Variants in CTNND2 observed in about 807,000 individuals in gnomAD.
The protein encoded by CTNND2 is catenin delta 2.
Under a neutral mutation model 144.4 loss-of-function variants are expected in CTNND2, and 22 were observed. That is an observed-to-expected ratio of 0.15 (90% CI 0.11 to 0.22). The LOEUF is 0.22. CTNND2 is among the 10% of genes least tolerant of loss of function. CTNND2 has a pLI of 1.00. For synonymous variants in CTNND2, 751 were observed against 695.6 expected (o/e 1.08, Z -1.25); for missense variants, 1,353 against 1,618.8 (o/e 0.84, Z 2.82).
chr5:11,289,115 C>G (rs1195733837), intron 9 of CTNND2, among the ~76,000 whole-genome samples: 1 of 152,224 alleles, frequency 6.6e-6, no homozygotes, highest in Non-Finnish European at 1.5e-5. Context: ...AGGCCACTAT[C>G]TGCACACCTT....
chr5:11,676,165 T>C (rs1348699235), intron 2 of CTNND2, among the ~76,000 whole-genome samples: 1 of 152,086 alleles, frequency 6.6e-6, no homozygotes, highest in Non-Finnish European at 1.5e-5. Flanking sequence ...GATACTGTTT[T>C]CCTAACTTTA....
chr5:11,085,896 T>C (rs2149642217), intron 15 of CTNND2, among the ~76,000 whole-genome samples: 1 of 152,180 alleles, frequency 6.6e-6, no homozygotes, highest in East Asian at 1.9e-4. Flanking sequence ...GCTGCTCTTC[T>C]AGGATGACTG....
At chr5:11,582,585 G>A (rs966293204) in intron 2 of CTNND2, among the ~76,000 whole-genome samples, 7 of 152,106 alleles carry the variant, frequency 4.6e-5, no homozygotes, top group African/African-American at 7.2e-5. Flanking sequence ...CTTAAATTCC[G>A]TCAGCATTCA....
intron 2 of CTNND2, among the ~76,000 whole-genome samples, chr5:11,705,809 T>C (rs1223531399): frequency 6.6e-6 from 1 of 152,180 alleles, no homozygotes; most frequent in East Asian, 1.9e-4. Context: ...TGAGTGTGGA[T>C]AGGACCCATG....
intron 2 of CTNND2, among the ~76,000 whole-genome samples, chr5:11,692,936 C>T (rs1784977303): frequency 6.6e-6 from 1 of 152,180 alleles, no homozygotes. Flanking sequence ...GAAAGTCTCA[C>T]TGAGGTATGT....
intron 7 of CTNND2, among the ~76,000 whole-genome samples, chr5:11,373,672 C>G (rs1757662364): frequency 6.6e-6 from 1 of 152,152 alleles, no homozygotes; most frequent in South Asian, 2.1e-4. Context: ...AGCATCCAAT[C>G]TCTGGATGGC....
At chr5:11,165,553 T>C (rs1759233629) in intron 11 of CTNND2, among the ~76,000 whole-genome samples, 1 of 152,234 alleles carries the variant, frequency 6.6e-6, no homozygotes, top group Admixed American at 6.5e-5. Flanking sequence ...TGTGACAAAT[T>C]TGTTTTATTA....
chr5:11,450,821 C>T (rs1765240383), intron 3 of CTNND2, among the ~76,000 whole-genome samples: 2 of 148,750 alleles, frequency 1.3e-5, no homozygotes. Flanking sequence ...TCACTTGAAC[C>T]CGGGAGGCGG....
At chr5:10,981,632 C>A (rs553820830) in intron 21 of CTNND2, 141 bp downstream of exon 21, 9 of 745,708 alleles carry the variant, frequency 1.2e-5, no homozygotes, top group South Asian at 3.3e-5. Flanking sequence ...CTGCAACAGG[C>A]GTGAGGAGAG....
chr5:11,115,724 C>A (rs572439046), intron 13 of CTNND2, among the ~76,000 whole-genome samples: 1 of 152,322 alleles, frequency 6.6e-6, no homozygotes, highest in African/African-American at 2.4e-5. Flanking sequence ...GTGAACCTAA[C>A]TGAGCAGAAG....
chr5:11,101,884 C>CGTGTGTGTGTGT (rs1561304077), intron 14 of CTNND2, among the ~76,000 whole-genome samples: 11 of 88,498 alleles, frequency 1.2e-4, no homozygotes, highest in African/African-American at 4.5e-4. Flanking sequence ...ATGACGACCA[C>CGTGTGTGTGTGT]ATATGTGTGT....
intron 1 of CTNND2, among the ~76,000 whole-genome samples, chr5:11,888,245 T>G (rs1736698148): frequency 6.6e-6 from 1 of 152,236 alleles, no homozygotes; most frequent in African/African-American, 2.4e-5. Context: ...TAATTAAGCC[T>G]AGTGTAGCTT....
intron 1 of CTNND2, among the ~76,000 whole-genome samples, chr5:11,890,448 A>G (rs1000442565): frequency 8.5e-5 from 13 of 152,282 alleles, no homozygotes; most frequent in African/African-American, 2.4e-4. Flanking sequence ...AGCTCTTACA[A>G]ACTCATCTTC....
At chr5:11,116,886 G>A (rs939612402) in intron 13 of CTNND2, among the ~76,000 whole-genome samples, 10 of 151,828 alleles carry the variant, frequency 6.6e-5, no homozygotes, top group African/African-American at 1.5e-4. Flanking sequence ...GGTAAAACCC[G>A]ATCTCTACTA....
intron 2 of CTNND2, among the ~76,000 whole-genome samples, chr5:11,657,543 T>C (rs972452609): frequency 1.3e-5 from 2 of 152,098 alleles, no homozygotes; most frequent in Non-Finnish European, 2.9e-5. Context: ...ATGTATTAAA[T>C]TCAAAGTGTC....
At chr5:11,220,121 C>A (rs1383652309) in intron 10 of CTNND2, among the ~76,000 whole-genome samples, 1 of 151,786 alleles carries the variant, frequency 6.6e-6, no homozygotes, top group Non-Finnish European at 1.5e-5. Flanking sequence ...AGAAGAGGGA[C>A]ATATAGGAGG....
At position 11,455,420 on chromosome 5, in the gene CTNND2, T is replaced by C. The variant is rs557469300; in HGVS notation, c.288-43351A>G. ...ATACACTATGATCATGATCTTTCCA[T>C]TGTGGGTGGAAATAATTTGTTCAAA... On this transcript the variant is annotated intron_variant, in intron 3 of 21. Transcript: ENST00000304623. Among the ~76,000 whole-genome samples, 228 of 152,296 alleles carry C rather than the reference T, an allele frequency of 1.5e-3. 1 individual carries two copies. Among genetic ancestry groups the C allele is most frequent in the African/African-American group, 5.1e-3 (211 of 41,558 alleles).
At chr5:11,656,194 A>C (rs1382622067) in intron 2 of CTNND2, among the ~76,000 whole-genome samples, 1 of 152,058 alleles carries the variant, frequency 6.6e-6, no homozygotes, top group African/African-American at 2.4e-5. Flanking sequence ...ATTTTTATGC[A>C]TGCTTTTTCA....
chr5:11,645,997 T>C (rs1782325203), intron 2 of CTNND2, among the ~76,000 whole-genome samples: 1 of 152,204 alleles, frequency 6.6e-6, no homozygotes, highest in South Asian at 2.1e-4. Flanking sequence ...TCAATATGCA[T>C]AAAACATATG....
Sources: allele counts gnomAD v4.1 joint callset (sites outside exome capture counted in the v4.1 genomes callset), GRCh38; gene constraint gnomAD v4.1.1; transcripts MANE v1.5; gene names NCBI Gene and HGNC (gene_info 2026-07-23, HGNC 2026-07-21).